The following PTPRK variants were observed in gnomAD, a reference collection of about 807,000 sequenced individuals.
PTPRK encodes the protein receptor-type tyrosine-protein phosphatase kappa.
In PTPRK, 75 loss-of-function variants were observed where a neutral mutation model predicts 178.0. The observed-to-expected ratio is 0.42, with a 90% CI of 0.35 to 0.51. The LOEUF (loss-of-function observed/expected upper bound fraction) is 0.51. Among genes scored for constraint, PTPRK ranks in the 20% least tolerant of loss-of-function variants. The pLI, the probability that PTPRK is intolerant of heterozygous loss-of-function variation, is 0.02. For synonymous variants in PTPRK, 637 were observed against 620.6 expected, an observed-to-expected ratio of 1.03 and a Z score of -0.39; for missense variants, 1,441 against 1,797.8, an observed-to-expected ratio of 0.80 and a Z score of 3.59.
chr6:128,478,481 C>T (rs994846174), intron 1 of PTPRK, among the ~76,000 whole-genome samples: 3 of 152,056 alleles, frequency 2.0e-5, no homozygotes, highest in Admixed American at 6.6e-5. Context: ...TCAGGTAGCC[C>T]TAAAGTGACC....
intron 11 of PTPRK, 65 bp downstream of exon 11, chr6:128,078,748 C>T: frequency 8.4e-7 from 1 of 1,189,620 alleles, no homozygotes; most frequent in Non-Finnish European, 1.2e-6. Context: ...TTTAGGCATA[C>T]TTGGGCATCT....
At chr6:127,978,942 C>T (rs563637405) in intron 25 of PTPRK, among the ~76,000 whole-genome samples, 22 of 152,278 alleles carry the variant, frequency 1.4e-4, no homozygotes, top group South Asian at 2.1e-4. Context: ...ACTTCTCCAA[C>T]GGTTCATTTG....
chr6:128,097,223 A>G (rs1788064338), intron 7 of PTPRK, among the ~76,000 whole-genome samples: 1 of 152,106 alleles, frequency 6.6e-6, no homozygotes, highest in Non-Finnish European at 1.5e-5. Context: ...CTGAAATGAC[A>G]TGCTTGGACT....
intron 13 of PTPRK, among the ~76,000 whole-genome samples, chr6:128,037,525 A>G (rs1437402666): frequency 6.6e-6 from 1 of 152,182 alleles, no homozygotes; most frequent in African/African-American, 2.4e-5. Flanking sequence ...TATTTACAAA[A>G]TCAGATCTGG....
intron 3 of PTPRK, among the ~76,000 whole-genome samples, chr6:128,299,143 C>T (rs1825072270): frequency 1.3e-5 from 2 of 152,062 alleles, no homozygotes; most frequent in Non-Finnish European, 2.9e-5. Flanking sequence ...GAATAAAATA[C>T]CTAGGAATCC....
chr6:128,335,422 A>G (rs1169822992), intron 2 of PTPRK, among the ~76,000 whole-genome samples: 2 of 143,244 alleles, frequency 1.4e-5, no homozygotes, highest in Non-Finnish European at 3.0e-5. Flanking sequence ...AGGAAAATAA[A>G]AGCAAAAGGG....
intron 13 of PTPRK, among the ~76,000 whole-genome samples, chr6:128,014,562 T>G (rs748105487): frequency 6.6e-6 from 1 of 151,652 alleles, no homozygotes; most frequent in Admixed American, 6.6e-5. Context: ...GTAGAAATAG[T>G]AGTAGACGCT....
At chr6:128,351,904 TTCAG>T (rs1054666605) in intron 2 of PTPRK, among the ~76,000 whole-genome samples, 5 of 152,240 alleles carry the variant, frequency 3.3e-5, no homozygotes, top group East Asian at 1.9e-4. Flanking sequence ...GTAGCTCAAC[TTCAG>T]TCAGTTTTAC....
chr6:128,400,056 G>A (rs1432363580), intron 1 of PTPRK, among the ~76,000 whole-genome samples: 1 of 151,736 alleles, frequency 6.6e-6, no homozygotes, highest in Non-Finnish European at 1.5e-5. Flanking sequence ...CAAGGTTAAG[G>A]GCAAATACAG....
At chr6:128,318,027 C>T (rs138357887) in intron 3 of PTPRK, among the ~76,000 whole-genome samples, 1 of 152,268 alleles carries the variant, frequency 6.6e-6, no homozygotes, top group African/African-American at 2.4e-5. Context: ...CAGGAAGTTA[C>T]CGCTATATGA....
At chr6:128,084,351 TA>T (rs1035588359) in intron 8 of PTPRK, among the ~76,000 whole-genome samples, 26 of 152,310 alleles carry the variant, frequency 1.7e-4, no homozygotes, top group African/African-American at 6.0e-4. Flanking sequence ...CTTACTTTTA[TA>T]GCTATATGTA....
chr6:128,132,974 T>C (rs943439317), intron 7 of PTPRK, among the ~76,000 whole-genome samples: 1 of 152,224 alleles, frequency 6.6e-6, no homozygotes, highest in African/African-American at 2.4e-5. Context: ...GACTGACTCA[T>C]ATGAACACCT....
intron 2 of PTPRK, among the ~76,000 whole-genome samples, chr6:128,377,345 ACTCT>A (rs1268313321): frequency 4.6e-5 from 7 of 151,808 alleles, no homozygotes; most frequent in African/African-American, 1.7e-4. Flanking sequence ...ATGCAGGGAA[ACTCT>A]CTCTTTTTTA....
intron 1 of PTPRK, among the ~76,000 whole-genome samples, chr6:128,492,386 T>C (rs1012084099): frequency 6.6e-6 from 1 of 152,174 alleles, no homozygotes; most frequent in African/African-American, 2.4e-5. Context: ...ACTGTTACAT[T>C]GTACATATTT....
At chr6:128,078,945 A>C in intron 10 of PTPRK, 27 bp from the exon 11 acceptor site, 2 of 1,464,802 alleles carry the variant, frequency 1.4e-6, no homozygotes, top group Non-Finnish European at 1.9e-6. Context: ...GAGATAAAAA[A>C]GGTTCAATTA....
At chr6:128,397,532 T>C in intron 2 of PTPRK, 34 bp downstream of exon 2, 3 of 1,606,520 alleles carry the variant, frequency 1.9e-6, no homozygotes, top group East Asian at 2.2e-5. Context: ...GCAAAACTAT[T>C]CCCCCAACAC....
chr6:127,969,614 T>C lies in PTPRK; in HGVS notation c.*613A>G, dbSNP rs1583448538. On this transcript the variant is annotated 3_prime_UTR_variant, in exon 30 of 30. Transcript: ENST00000368226. ...AAGGAATGTAAGTAACCAATAAATA[T>C]AATGTGCTTTCTCCATATAGACATA... is the stretch of plus-strand genomic sequence containing the variant. 6.6e-6 allele frequency: 1 copy of C among 152,184 alleles called. No homozygotes were observed. The highest frequency in any genetic ancestry group is 2.4e-5 in the African/African-American group (1 of 41,462). 9.4% of individuals were successfully genotyped at this position (152,184 alleles called of 1,614,324 possible). A position where few individuals can be genotyped will look rare whatever the true frequency, so the allele number is the denominator to read the frequency against.
intron 25 of PTPRK, among the ~76,000 whole-genome samples, chr6:127,980,820 A>AT (rs1270842509): frequency 6.8e-6 from 1 of 146,182 alleles, no homozygotes; most frequent in African/African-American, 2.4e-5. Flanking sequence ...ATAAGGCATG[A>AT]TTTTCTTTTC....
chr6:128,176,881 A>T (rs896542891), intron 7 of PTPRK, among the ~76,000 whole-genome samples: 2 of 151,658 alleles, frequency 1.3e-5, no homozygotes, highest in Non-Finnish European at 3.0e-5. Flanking sequence ...GCACAGAATG[A>T]CCAACACTCC....
Sources: gnomAD v4.1 joint callset for allele counts (sites outside exome capture counted in the v4.1 genomes callset) on GRCh38, gnomAD v4.1.1 for gene constraint, MANE v1.5 for transcripts, NCBI Gene and HGNC (gene_info 2026-07-23, HGNC 2026-07-21) for gene names.